The following SLC11A2 variants were observed in gnomAD, a reference collection of about 807,000 sequenced individuals.
SLC11A2 encodes solute carrier family 11 member 2.
Under a neutral mutation model 68.0 loss-of-function variants are expected in SLC11A2, and 38 were observed. That is an observed-to-expected ratio of 0.56 (90% CI 0.43 to 0.73). SLC11A2 has a LOEUF of 0.73. SLC11A2 is among the 30% of genes least tolerant of loss of function. SLC11A2 has a pLI of 0.00. For synonymous variants in SLC11A2, 242 were observed against 250.6 expected (o/e 0.97, Z 0.32); for missense variants, 517 against 690.5 (o/e 0.75, Z 2.82).
Position 50,988,944 on chromosome 12 carries a change from C to T in SLC11A2, c.1576-509G>A, listed in dbSNP as rs540457949. On this transcript the variant is annotated intron_variant, in intron 15 of 15. Coordinates refer to ENST00000262052, the MANE Select transcript of SLC11A2 (RefSeq NM_000617.3). The stretch of plus-strand genomic sequence containing the variant: ...TCTCAAGCTGGTCTGAAACTCCTAA[C>T]CTCAAGCAATCCTCCTGGCTCGGCC... Among the ~76,000 whole-genome samples, 20 of 152,136 alleles carry T rather than the reference C, an allele frequency of 1.3e-4. No individual in the cohort carries two copies. The South Asian group carries it at 4.2e-3, about 32-fold the overall frequency.
In SLC11A2 at chr12:50,992,336, ATCCC is replaced by A; in HGVS notation, c.1198-1_1200del. The stretch of plus-strand genomic sequence containing the variant: ...AAGCGTGACCACTTTAGGTTCAGGA[ATCCC>A]TGGAAGAAAACATAGGAGCAGATGA... On this transcript the variant is annotated splice_acceptor_variant and coding_sequence_variant, in exon 13 of 16. Coordinates refer to ENST00000262052, the MANE Select transcript of SLC11A2 (RefSeq NM_000617.3). LOFTEE classifies it high-confidence loss of function. 1.2e-6 allele frequency: 2 copies of A among 1,613,922 alleles called. No individual in the cohort carries two copies. Among genetic ancestry groups the A allele is most frequent in the Non-Finnish European group, 1.7e-6 (2 of 1,179,944 alleles).
chr12:51,001,769 G>A (rs1040451232), intron 5 of SLC11A2, among the ~76,000 whole-genome samples: 1 of 152,014 alleles, frequency 6.6e-6, no homozygotes, highest in African/African-American at 2.4e-5. Context: ...CAGTGGTCAA[G>A]GCTGCAGTGA....
At chr12:51,012,202 G>T (rs537461923) in intron 1 of SLC11A2, among the ~76,000 whole-genome samples, 1 of 152,134 alleles carries the variant, frequency 6.6e-6, no homozygotes, top group Admixed American at 6.5e-5. Context: ...TAAGCAACCC[G>T]CAGTGGGGCG....
At chr12:50,962,283 C>T in the SLC11A2 span, among the ~76,000 whole-genome samples, 461 of 151,164 alleles carry the variant, frequency 3.0e-3, 2 homozygotes, top group Non-Finnish European at 3.8e-3. Flanking sequence ...GTGGCACATG[C>T]CTGTAATCCC....
chr12:50,962,848 C>T, the SLC11A2 span, among the ~76,000 whole-genome samples: 11 of 152,170 alleles, frequency 7.2e-5, no homozygotes, highest in African/African-American at 2.6e-4. Flanking sequence ...AGAGAAGGAC[C>T]TCAGGATTCT....
intron 2 of SLC11A2, chr12:51,009,182 T>A: frequency 6.7e-7 from 1 of 1,497,636 alleles, no homozygotes; most frequent in South Asian, 1.3e-5. Flanking sequence ...AGTTACAAAA[T>A]CCTGCCACAG....
chr12:50,993,045 G>A, intron 11 of SLC11A2, 116 bp from the exon 12 acceptor site: 1 of 1,214,474 alleles, frequency 8.2e-7, no homozygotes, highest in African/African-American at 1.5e-5. Flanking sequence ...CCAACACCAA[G>A]TGCTGTGCTG....
At chr12:50,958,386 A>G in the SLC11A2 span, among the ~76,000 whole-genome samples, 1 of 147,772 alleles carries the variant, frequency 6.8e-6, no homozygotes, top group Non-Finnish European at 1.5e-5. Context: ...GGTTCACACC[A>G]TTCTCCTGTC....
chr12:50,961,695 A>C, the SLC11A2 span, among the ~76,000 whole-genome samples: 1 of 152,356 alleles, frequency 6.6e-6, no homozygotes, highest in South Asian at 2.1e-4. Context: ...AGTTCTAACA[A>C]GAAGTCCATT....
the SLC11A2 span, among the ~76,000 whole-genome samples, chr12:50,958,917 T>C: frequency 2.0e-5 from 3 of 151,278 alleles, no homozygotes; most frequent in African/African-American, 7.3e-5. Context: ...CTAGGGAGGC[T>C]GAGGCACGAG....
At chr12:51,003,096 C>T (rs1298181983) in intron 5 of SLC11A2, among the ~76,000 whole-genome samples, 15 of 150,910 alleles carry the variant, frequency 9.9e-5, no homozygotes, top group Admixed American at 9.9e-4. Flanking sequence ...ATTAGCCAGG[C>T]ATGGTGGCAG....
intron 1 of SLC11A2, among the ~76,000 whole-genome samples, chr12:51,021,550 C>T (rs1944044357): frequency 6.6e-6 from 1 of 151,688 alleles, no homozygotes. Flanking sequence ...TCGCTTGAGC[C>T]TGGGAGGCAG....
Position 51,025,701 on chromosome 12 carries a change from C to T in SLC11A2, c.-39+609G>A, listed in dbSNP as rs1045676066. ...TGTGCAATATCCCCCTGTAGAAAAA[C>T]CCTGCTCATTGGAGCCTGGAATCCA... On this transcript the variant is annotated intron_variant, in intron 1 of 15. Coordinates refer to ENST00000262052, the MANE Select transcript of SLC11A2 (RefSeq NM_000617.3). The T allele has an allele frequency of 5.3e-5, 51 of 958,042 alleles. No individual in the cohort carries two copies. The African/African-American group carries it at 8.8e-4, about 17-fold the overall frequency. 59.3% of individuals were successfully genotyped at this position (958,042 alleles called of 1,614,324 possible). A position where few individuals can be genotyped will look rare whatever the true frequency, so the allele number is the denominator to read the frequency against.
rs202080422 is a variant in SLC11A2 at position 51,008,334 on chromosome 12, T to C, written c.183+142A>G. ...GTGTGTGTGTGTGTGTGTATATATA[T>C]ATATAGATATATAGATATAGTCTTC... On this transcript the variant is annotated intron_variant, in intron 3 of 15. Coordinates refer to ENST00000262052, the MANE Select transcript of SLC11A2 (RefSeq NM_000617.3). The C allele has an allele frequency of 7.0e-5, 46 of 656,366 alleles. No individual in the cohort carries two copies. In the East Asian group the frequency reaches 1.1e-3, roughly 16 times the overall value. The allele number at this position is 656,366 out of a possible 1,614,324, so 40.7% of individuals were successfully genotyped here.
At chr12:51,008,233 GATA>G in intron 3 of SLC11A2, 1 of 344,876 alleles carries the variant, frequency 2.9e-6, no homozygotes, top group South Asian at 3.0e-5. Context: ...CAGATAGATA[GATA>G]GATAGATAGA....
chr12:50,960,900 A>G, the SLC11A2 span: 1 of 1,392,532 alleles, frequency 7.2e-7, no homozygotes. Context: ...GGCTGTTTTC[A>G]AACTCCTGGT....
At position 51,026,332 on chromosome 12, in the gene SLC11A2, G is replaced by T. The variant is rs760803188; in HGVS notation, c.-61C>A. 2.4e-6 allele frequency: 3 copies of T among 1,275,672 alleles called. No individual in the cohort carries two copies. In the East Asian group the frequency reaches 1.7e-4, roughly 72 times the overall value. The allele number at this position is 1,275,672 out of a possible 1,614,324, so 79.0% of individuals were successfully genotyped here. ...CACCTTACCAGCTCCGCAACCACCT[G>T]ACACGCCGCCCCCGCGCCCAGGGCT... On this transcript the variant is annotated 5_prime_UTR_variant, in exon 1 of 16. Transcript: ENST00000262052.
rs756262905 is a variant in SLC11A2, at chr12:50,988,302, G to A, written c.*23C>T. On this transcript the variant is annotated 3_prime_UTR_variant, in exon 16 of 16. Coordinates refer to ENST00000262052, the MANE Select transcript of SLC11A2 (RefSeq NM_000617.3). ...AACACACTGGCTCTGATGGCTACCT[G>A]CAGAAGACAGACTAATCCAGTGTTA... 1.2e-6 allele frequency: 2 copies of A among 1,613,654 alleles called. No homozygotes were observed. The highest frequency in any genetic ancestry group is 3.3e-5 in the Admixed American group (2 of 59,962).
intron 1 of SLC11A2, among the ~76,000 whole-genome samples, chr12:51,021,252 A>G (rs1466615612): frequency 1.3e-5 from 2 of 152,170 alleles, no homozygotes; most frequent in Non-Finnish European, 2.9e-5. Flanking sequence ...CCTGGAACCA[A>G]TCCCCTACAG....
Sources: gnomAD v4.1 joint callset for allele counts (sites outside exome capture counted in the v4.1 genomes callset) on GRCh38, gnomAD v4.1.1 for gene constraint, MANE v1.5 for transcripts, NCBI Gene and HGNC (gene_info 2026-07-23, HGNC 2026-07-21) for gene names.